PLEKHM2: variants seen among roughly 807,000 people sequenced by gnomAD.
PLEKHM2 encodes pleckstrin homology domain-containing family M member 2.
PLEKHM2 carries 77 observed loss-of-function variants against 116.3 expected under a neutral mutation model. The observed-to-expected ratio is 0.66, with a 90% CI of 0.55 to 0.80. The LOEUF (loss-of-function observed/expected upper bound fraction) is 0.80, where lower values mean the gene tolerates loss of function less well. PLEKHM2 is among the 30% of genes least tolerant of loss of function. The pLI, the probability that PLEKHM2 is intolerant of heterozygous loss-of-function variation, is 0.00. For missense variants in PLEKHM2, 1,183 were observed against 1,354.9 expected (o/e 0.87, Z 1.99); for synonymous variants, 562 against 571.0 (o/e 0.98, Z 0.22).
At position 15,728,795 on chromosome 1, in the gene PLEKHM2, C is replaced by G; in HGVS notation, c.1986+62C>G. 6.9e-7 allele frequency: 1 copy of G among 1,443,234 alleles called. No individual in the cohort carries two copies. The highest frequency in any genetic ancestry group is 1.9e-5 in the Admixed American group (1 of 52,312). 89.4% of individuals were successfully genotyped at this position (1,443,234 alleles called of 1,614,324 possible). Reference sequence around the variant, plus strand: ...GTACAGGGCTTCTCAAGCCACTTACCCATAGAACTGCAGGGCGAGGCACGG... The same window carrying G: ...GTACAGGGCTTCTCAAGCCACTTACGCATAGAACTGCAGGGCGAGGCACGG... On this transcript the variant is annotated intron_variant, in intron 12 of 19. Coordinates refer to ENST00000375799, the MANE Select transcript of PLEKHM2 (RefSeq NM_015164.4). The surrounding 1 kb of genome is among the most constrained non-coding windows in gnomAD (Gnocchi z 5.9).
At chr1:15,689,838 C>T (rs1290501716) in intron 1 of PLEKHM2, among the ~76,000 whole-genome samples, 1 of 152,206 alleles carries the variant, frequency 6.6e-6, no homozygotes, top group African/African-American at 2.4e-5. Context: ...CTCACTGCAA[C>T]CTCCGCCTCC....
chr1:15,722,175 G>A (rs1454637963), intron 7 of PLEKHM2, among the ~76,000 whole-genome samples: 1 of 152,142 alleles, frequency 6.6e-6, no homozygotes, highest in African/African-American at 2.4e-5. Context: ...ACGGAGTCTC[G>A]CTCTGTTGCT....
intron 1 of PLEKHM2, among the ~76,000 whole-genome samples, chr1:15,704,742 C>T (rs1256360821): frequency 2.6e-5 from 4 of 152,220 alleles, no homozygotes; most frequent in Non-Finnish European, 5.9e-5. Context: ...ATGGTCCCAG[C>T]ACCTCCCTTT....
chr1:15,718,609 G>C lies in PLEKHM2; in HGVS notation c.449G>C (p.Arg150Pro). ...LTLVSGLEFIRFELDLDAPYL... is the reference protein window; with the variant it reads ...LTLVSGLEFIPFELDLDAPYL... The stretch of plus-strand genomic sequence containing the variant: ...TTGGTGTCCGGGCTAGAGTTCATTC[G>C]TTTCGAGCTGGATCTGGTGAGACAC... Residue 150 changes from arginine (R) to proline (P), a missense_variant, in exon 5 of 20, where the codon CGT becomes CCT. Around this residue, in one of 3 missense-constraint regions of PLEKHM2, gnomAD observed 217 missense variants for 277.6 expected, o/e 0.78. Transcript: ENST00000375799. 1 of 1,342,174 alleles carries C rather than the reference G, an allele frequency of 7.5e-7. No homozygotes were observed. Among genetic ancestry groups the C allele is most frequent in the Non-Finnish European group, 9.8e-7 (1 of 1,015,720 alleles). The allele number at this position is 1,342,174 out of a possible 1,614,324, so 83.1% of individuals were successfully genotyped here.
At chr1:15,708,175 G>A (rs9660094) in intron 1 of PLEKHM2, among the ~76,000 whole-genome samples, 20,262 of 151,510 alleles carry the variant, frequency 0.13, 2,243 homozygotes, top group African/African-American at 0.31. Context: ...GTGAGCCACT[G>A]CACCTGGCCA....
Position 15,728,285 on chromosome 1 carries a change from G to T in PLEKHM2, c.1849G>T (p.Gly617Trp). 1 of 1,613,278 alleles carries T rather than the reference G, an allele frequency of 6.2e-7. No individual in the cohort carries two copies. The highest frequency in any genetic ancestry group is 8.5e-7 in the Non-Finnish European group (1 of 1,179,812). Residue 617 changes from glycine to tryptophan, a missense_variant, in exon 11 of 20, where the codon GGG becomes TGG. By Grantham distance (184) the Gly-to-Trp change is radical. Around this residue, in one of 3 missense-constraint regions of PLEKHM2, gnomAD observed 594 missense variants for 720.1 expected, o/e 0.82. Transcript: ENST00000375799. The surrounding 1 kb of genome is among the most constrained non-coding windows in gnomAD (Gnocchi z 5.9). Reference sequence around the variant, plus strand: ...CCCCCAGATGATCCGGATGAGCACCGGGCACATGGAGGGCAACCTGCAGCT... The same window carrying T: ...CCCCCAGATGATCCGGATGAGCACCTGGCACATGGAGGGCAACCTGCAGCT... ...QLFKMIRMST[G>W]HMEGNLQLLY...
chr1:15,716,444 C>T, intron 2 of PLEKHM2, 101 bp downstream of exon 2: 1 of 770,222 alleles, frequency 1.3e-6, no homozygotes. Flanking sequence ...TTTCTTCTCT[C>T]CCCTTGGCAG....
Position 15,719,827 on chromosome 1 carries a change from C to A in PLEKHM2, c.559C>A (p.His187Asn), listed in dbSNP as rs772487526. 1 of 1,613,828 alleles carries A rather than the reference C, an allele frequency of 6.2e-7. No individual in the cohort carries two copies. The highest frequency in any genetic ancestry group is 8.5e-7 in the Non-Finnish European group (1 of 1,179,784). The change falls in exon 6 of 20, where the codon CAC (histidine) becomes AAC (asparagine). Residue 187 changes from histidine to asparagine, a missense_variant. Coordinates refer to ENST00000375799, the MANE Select transcript of PLEKHM2 (RefSeq NM_015164.4). The surrounding 1 kb of genome is among the most constrained non-coding windows in gnomAD (Gnocchi z 4.1). Reference protein sequence around the residue: ...DFEDRLPSSVHGSDSLSLNSF... With the variant: ...DFEDRLPSSVNGSDSLSLNSF... Reference sequence around the variant, plus strand: ...TGAAGACCGCCTTCCCAGCTCGGTCCACGGCTCAGACAGTCTGTCCCTCAA... The same window carrying A: ...TGAAGACCGCCTTCCCAGCTCGGTCAACGGCTCAGACAGTCTGTCCCTCAA...
chr1:15,689,904 G>C (rs918373408), intron 1 of PLEKHM2, among the ~76,000 whole-genome samples: 2 of 152,076 alleles, frequency 1.3e-5, no homozygotes, highest in African/African-American at 4.8e-5. Context: ...TTACAGGCAT[G>C]AGCCACTACG....
intron 1 of PLEKHM2, among the ~76,000 whole-genome samples, chr1:15,710,046 A>G (rs1363453143): frequency 6.6e-6 from 1 of 151,812 alleles, no homozygotes; most frequent in Non-Finnish European, 1.5e-5. Flanking sequence ...AACGTGGTGA[A>G]ACCCCATCTC....
At chr1:15,730,054 GC>G in intron 14 of PLEKHM2, 125 bp downstream of exon 14, 1 of 341,214 alleles carries the variant, frequency 2.9e-6, no homozygotes, top group Non-Finnish European at 5.1e-6. Context: ...CCTGGGCGGG[GC>G]GGGGCGGGGC....
rs368356752 is a variant in PLEKHM2, at chr1:15,728,210, G to GC, written c.1831-52dup. 14 of 1,603,646 alleles carry GC rather than the reference G, an allele frequency of 8.7e-6. No homozygotes were observed. The East Asian group carries it at 3.1e-4, about 36-fold the overall frequency. Reference sequence around the variant, plus strand: ...CAAGGGCAAGGCGGGATGGGCCACCGCCCCCGCTGGAGCGGCAGGAGCCAC... The same window carrying GC: ...CAAGGGCAAGGCGGGATGGGCCACCGCCCCCCGCTGGAGCGGCAGGAGCCAC... On this transcript the variant is annotated intron_variant, in intron 10 of 19. Coordinates refer to ENST00000375799, the MANE Select transcript of PLEKHM2 (RefSeq NM_015164.4). The surrounding 1 kb of genome is among the most constrained non-coding windows in gnomAD (Gnocchi z 5.9).
At chr1:15,684,697 G>GGCGACCCTGCTGCCGCAGGGAGTC in intron 1 of PLEKHM2, 79 bp downstream of exon 1, 1 of 795,234 alleles carries the variant, frequency 1.3e-6, no homozygotes, top group African/African-American at 1.8e-5. Flanking sequence ...CTCCCGGGCC[G>GGCGACCCTGCTGCCGCAGGGAGTC]GGGCCCCCCG....
rs1334432780 is a variant in PLEKHM2, at chr1:15,719,519, G to A, written c.466-215G>A. On this transcript the variant is annotated intron_variant, in intron 5 of 19. Transcript: ENST00000375799. The surrounding 1 kb of genome is among the most constrained non-coding windows in gnomAD (Gnocchi z 4.1). ...GCATCAAAGGGTGTAGCTGAGTTCT[G>A]ACAGCTCTGTCTTCCATCAGCCTGA... 6.6e-6 allele frequency among the ~76,000 whole-genome samples: 1 copy of A among 152,144 alleles called. No homozygotes were observed. The highest frequency in any genetic ancestry group is 1.5e-5 in the Non-Finnish European group (1 of 68,034).
At position 15,734,074 on chromosome 1, in the gene PLEKHM2, A is replaced by G. The variant is rs1359091616; in HGVS notation, c.*140A>G. Reference sequence around the variant, plus strand: ...GCGGCAGAACCACCGAGTGTGGCTTAAGACAGGGTCCCTCCACTCCAGGGA... The same window carrying G: ...GCGGCAGAACCACCGAGTGTGGCTTGAGACAGGGTCCCTCCACTCCAGGGA... On this transcript the variant is annotated 3_prime_UTR_variant, in exon 20 of 20. Coordinates refer to ENST00000375799, the MANE Select transcript of PLEKHM2 (RefSeq NM_015164.4). 8.6e-6 allele frequency: 8 copies of G among 932,816 alleles called. No homozygotes were observed. Among genetic ancestry groups the G allele is most frequent in the African/African-American group, 1.7e-5 (1 of 59,828 alleles). The allele number at this position is 932,816 out of a possible 1,614,324, so 57.8% of individuals were successfully genotyped here. A position where few individuals can be genotyped will look rare whatever the true frequency, so the allele number is the denominator to read the frequency against.
At chr1:15,716,937 C>A in intron 3 of PLEKHM2, 121 bp downstream of exon 3, 1 of 1,224,804 alleles carries the variant, frequency 8.2e-7, no homozygotes, top group South Asian at 1.4e-5. Flanking sequence ...CTGGTGGTGT[C>A]CAGTAGCAGT....
At chr1:15,691,021 A>C (rs1303120729) in intron 1 of PLEKHM2, among the ~76,000 whole-genome samples, 1 of 152,242 alleles carries the variant, frequency 6.6e-6, no homozygotes, top group Non-Finnish European at 1.5e-5. Context: ...ATGACATTGC[A>C]TCCTGCAAGG....
chr1:15,684,697 G>GGCGACCCTGCTGCCGCAGGGCCTC (rs369410677), intron 1 of PLEKHM2, 79 bp downstream of exon 1: 2 of 795,264 alleles, frequency 2.5e-6, no homozygotes, highest in African/African-American at 1.9e-5. Context: ...CTCCCGGGCC[G>GGCGACCCTGCTGCCGCAGGGCCTC]GGGCCCCCCG....
In PLEKHM2 at chr1:15,729,865, T is replaced by C. The variant is rs1557661974; in HGVS notation, c.2144T>C (p.Leu715Pro). ...CGAGAACCTCCCTACCCCAGCATCC[T>C]GACGGATGCCACCATGGAGAAGCTG... ...GCREPPYPSI[L>P]TDATMEKLAL... The change falls in exon 14 of 20, where the codon CTG becomes CCG. Residue 715 changes from leucine to proline, a missense_variant. This residue lies in a region of PLEKHM2 where 594 missense variants were observed against 720.1 expected (regional missense o/e 0.82). Coordinates refer to ENST00000375799, the MANE Select transcript of PLEKHM2 (RefSeq NM_015164.4). The surrounding 1 kb of genome is among the most constrained non-coding windows in gnomAD (Gnocchi z 4.7). 2.5e-6 allele frequency: 4 copies of C among 1,612,290 alleles called. No individual in the cohort carries two copies. The highest frequency in any genetic ancestry group is 3.4e-6 in the Non-Finnish European group (4 of 1,178,650).
Sources: allele counts gnomAD v4.1 joint callset (sites outside exome capture counted in the v4.1 genomes callset), GRCh38; gene constraint gnomAD v4.1.1; regional missense constraint gnomAD v4.1.1; non-coding constraint Gnocchi (gnomAD v3.1); transcripts MANE v1.5; gene names NCBI Gene and HGNC (gene_info 2026-07-23, HGNC 2026-07-21).